MED24: variants seen among roughly 807,000 people sequenced by gnomAD.
MED24 encodes the protein mediator of RNA polymerase II transcription subunit 24.
Under a neutral mutation model 118.8 loss-of-function variants are expected in MED24, and 74 were observed. That is an observed-to-expected ratio of 0.62 (90% CI 0.52 to 0.76). The LOEUF (loss-of-function observed/expected upper bound fraction) is 0.76, where lower values mean the gene tolerates loss of function less well. Among genes scored for constraint, MED24 ranks in the 30% least tolerant of loss-of-function variants. MED24 has a pLI of 0.00. For synonymous variants in MED24, 521 were observed against 523.9 expected (o/e 0.99, Z 0.08); for missense variants, 1,041 against 1,278.9 (o/e 0.81, Z 2.84).
chr17:40,034,675 TC>T (rs1484005520), intron 6 of MED24, among the ~76,000 whole-genome samples: 1 of 152,186 alleles, frequency 6.6e-6, no homozygotes, highest in Admixed American at 6.5e-5. Flanking sequence ...TAGGTAACAT[TC>T]AAATACAAGA....
intron 3 of MED24, among the ~76,000 whole-genome samples, chr17:40,044,461 A>G (rs1984934133): frequency 1.3e-5 from 2 of 152,034 alleles, no homozygotes; most frequent in Non-Finnish European, 2.9e-5. Flanking sequence ...CAGAGGTTGC[A>G]GTGAGCCAAG....
chr17:40,031,439 C>A, intron 11 of MED24, 99 bp downstream of exon 11: 1 of 1,346,752 alleles, frequency 7.4e-7, no homozygotes, highest in Non-Finnish European at 1.0e-6. Flanking sequence ...GGGGAGTGAA[C>A]AAGGAGACAG....
At chr17:40,040,055 T>C (rs1984388085) in intron 3 of MED24, among the ~76,000 whole-genome samples, 1 of 151,274 alleles carries the variant, frequency 6.6e-6, no homozygotes, top group Admixed American at 6.6e-5. Context: ...AGTGCTGGGA[T>C]TACAGGTGTG....
chr17:40,041,413 C>T (rs1010378261), intron 3 of MED24, among the ~76,000 whole-genome samples: 2 of 152,166 alleles, frequency 1.3e-5, no homozygotes, highest in African/African-American at 4.8e-5. Context: ...CACTTCTTTG[C>T]TCACTCTCCC....
chr17:40,043,592 T>G (rs1028367024), intron 3 of MED24, among the ~76,000 whole-genome samples: 8 of 152,078 alleles, frequency 5.3e-5, no homozygotes, highest in African/African-American at 1.9e-4. Flanking sequence ...TTTTTCTGCT[T>G]CAAAGATTTA....
Position 40,037,207 on chromosome 17 carries a change from A to C in MED24, c.214-1053T>G, listed in dbSNP as rs373609912. ...AGAAAAGAAAGGGAGGGAGAGAGAG[A>C]GAAAGAGGGAAGGAAGGAAGGAAGG... is the stretch of plus-strand genomic sequence containing the variant. On this transcript the variant is annotated intron_variant, in intron 3 of 25. Transcript: ENST00000394128. Among the ~76,000 whole-genome samples the C allele has an allele frequency of 8.8e-5, 13 of 147,124 alleles. No homozygotes were observed. The East Asian group carries it at 2.5e-3, about 28-fold the overall frequency.
At position 40,026,724 on chromosome 17, in the gene MED24, A is replaced by G; in HGVS notation, c.1732T>C (p.Cys578Arg). Residue 578 changes from cysteine to arginine, a missense_variant, in exon 18 of 26, where the codon TGT becomes CGT. Physicochemically the swap from Cys to Arg is radical, Grantham distance 180. Coordinates refer to ENST00000394128, the MANE Select transcript of MED24 (RefSeq NM_014815.4). ...AAGATGGCGGCTGAGATGCTGAGAC[A>G]GGCCTCATGCCACTTCATCTGCCTG... Reference protein sequence around the residue: ...KLVQMKWHEACLSISAAILEI... With the variant: ...KLVQMKWHEARLSISAAILEI... 1 of 1,612,356 alleles carries G rather than the reference A, an allele frequency of 6.2e-7. No homozygotes were observed. The highest frequency in any genetic ancestry group is 8.5e-7 in the Non-Finnish European group (1 of 1,179,226).
At chr17:40,046,500 C>T (rs1327737682) in intron 3 of MED24, among the ~76,000 whole-genome samples, 5 of 150,478 alleles carry the variant, frequency 3.3e-5, no homozygotes, top group African/African-American at 2.4e-5. Context: ...AATCCCAGCA[C>T]TTTGGGAGGC....
intron 4 of MED24, 67 bp downstream of exon 4, chr17:40,036,049 G>A (rs1983898598): frequency 6.6e-7 from 1 of 1,514,548 alleles, no homozygotes; most frequent in Non-Finnish European, 9.2e-7. Context: ...CACAGCATCA[G>A]GGCCGTCAAG....
Position 40,019,508 on chromosome 17 carries a change from A to G in MED24, c.*21T>C, listed in dbSNP as rs778613133. ...GGGGCTGCGCCAGTCCCCAGCCCCC[A>G]CTGCGGCCATGCCAAGCCCCTCAGA... On this transcript the variant is annotated 3_prime_UTR_variant, in exon 26 of 26. Coordinates refer to ENST00000394128, the MANE Select transcript of MED24 (RefSeq NM_014815.4). The G allele has an allele frequency of 1.6e-5, 26 of 1,604,306 alleles. No homozygotes were observed. The South Asian group carries it at 2.8e-4, about 17-fold the overall frequency.
Position 40,020,264 on chromosome 17 carries a change from G to A in MED24, c.2704+9C>T, listed in dbSNP as rs1013180277. 1 of 1,518,838 alleles carries A rather than the reference G, an allele frequency of 6.6e-7. No homozygotes were observed. Among genetic ancestry groups the A allele is most frequent in the Non-Finnish European group, 8.8e-7 (1 of 1,132,456 alleles). 94.1% of individuals were successfully genotyped at this position (1,518,838 alleles called of 1,614,324 possible). On this transcript the variant is annotated intron_variant, in intron 24 of 25. Coordinates refer to ENST00000394128, the MANE Select transcript of MED24 (RefSeq NM_014815.4). ...GCCCCAGGTTCGGCAGCAGGGGTGG[G>A]GAACTCACCCAGGACTCGGTTCAGA...
chr17:40,022,318 G>C, intron 22 of MED24, 76 bp downstream of exon 22: 1 of 1,450,770 alleles, frequency 6.9e-7, no homozygotes, highest in Non-Finnish European at 9.5e-7. Flanking sequence ...GCTTCCCTTT[G>C]CCTGGGGAAT....
At chr17:40,053,714 AAGG>A in intron 1 of MED24, 79 bp from the exon 2 acceptor site, 1 of 1,554,980 alleles carries the variant, frequency 6.4e-7, no homozygotes, top group South Asian at 1.1e-5. Context: ...ATTAAATAGA[AAGG>A]AGAAGATGCG....
At chr17:40,037,838 G>A (rs537876652) in intron 3 of MED24, among the ~76,000 whole-genome samples, 9 of 151,886 alleles carry the variant, frequency 5.9e-5, no homozygotes, top group African/African-American at 2.2e-4. Flanking sequence ...GTGAACCCGG[G>A]AGGCAGAGCT....
At chr17:40,023,554 T>G in intron 19 of MED24, 159 bp from the exon 20 acceptor site, 1 of 660,472 alleles carries the variant, frequency 1.5e-6, no homozygotes, top group Non-Finnish European at 2.5e-6. Context: ...TACCCCGGGG[T>G]GACCTGGCCC....
At position 40,053,392 on chromosome 17, in the gene MED24, A is replaced by C; in HGVS notation, c.131-12T>G. On this transcript the variant is annotated splice_polypyrimidine_tract_variant and intron_variant, in intron 2 of 25. Transcript: ENST00000394128. Reference sequence around the variant, plus strand: ...CTCTAGTAACGCATCTGCAAGAGGAATAGCAAAACACAACTGAGTGATTAC... The same window carrying C: ...CTCTAGTAACGCATCTGCAAGAGGACTAGCAAAACACAACTGAGTGATTAC... The C allele has an allele frequency of 6.2e-7, 1 of 1,613,374 alleles. No homozygotes were observed. Among genetic ancestry groups the C allele is most frequent in the South Asian group, 1.1e-5 (1 of 91,042 alleles).
intron 3 of MED24, among the ~76,000 whole-genome samples, chr17:40,040,765 T>C (rs1252115042): frequency 6.6e-6 from 1 of 151,910 alleles, no homozygotes; most frequent in African/African-American, 2.4e-5. Flanking sequence ...ATTACAGGCA[T>C]GCACCACCAC....
chr17:40,026,896 G>A lies in MED24; in HGVS notation c.1669C>T (p.Leu557=). 1 of 1,613,862 alleles carries A rather than the reference G, an allele frequency of 6.2e-7. No individual in the cohort carries two copies. The highest frequency in any genetic ancestry group is 8.5e-7 in the Non-Finnish European group (1 of 1,179,934). ...GAGGAGTTGTTGAGCAGGGCCACCA[G>A]GGACTCCACTTTGGTGGAGTCGGGG... ...FRPDSTKVES[L]VALLNNSSEM... is the part of the protein sequence containing the mutation. Residue 557 remains leucine, a synonymous_variant, in exon 17 of 26, where the codon CTG becomes TTG. Transcript: ENST00000394128.
intron 3 of MED24, among the ~76,000 whole-genome samples, chr17:40,037,369 C>T (rs1321655572): frequency 1.3e-5 from 2 of 152,166 alleles, no homozygotes; most frequent in African/African-American, 2.4e-5. Flanking sequence ...TGAAACCCTT[C>T]CTCTGTGCTC....
Sources: allele counts gnomAD v4.1 joint callset (sites outside exome capture counted in the v4.1 genomes callset), GRCh38; gene constraint gnomAD v4.1.1; transcripts MANE v1.5; gene names NCBI Gene and HGNC (gene_info 2026-07-23, HGNC 2026-07-21).